Variants in NPAS3 observed in about 807,000 individuals in gnomAD.
NPAS3 encodes neuronal PAS domain-containing protein 3.
Under a neutral mutation model 73.1 loss-of-function variants are expected in NPAS3, and 14 were observed. That is an observed-to-expected ratio of 0.19 (90% CI 0.13 to 0.30). NPAS3 has a LOEUF of 0.30. Ranked by LOEUF, NPAS3 falls within the 10% of genes least tolerant of loss-of-function variation. The pLI, the probability that NPAS3 is intolerant of heterozygous loss-of-function variation, is 1.00. For missense variants in NPAS3, 1,096 were observed against 1,250.0 expected, an observed-to-expected ratio of 0.88 and a Z score of 1.86; for synonymous variants, 620 against 541.5, an observed-to-expected ratio of 1.14 and a Z score of -2.01.
intron 1 of NPAS3, among the ~76,000 whole-genome samples, chr14:33,032,867 T>A (rs1284217097): frequency 6.6e-6 from 1 of 152,202 alleles, no homozygotes; most frequent in African/African-American, 2.4e-5. Context: ...AAATGCGAAG[T>A]CCCAATTTGA....
At chr14:33,498,951 TG>T (rs2139891553) in intron 4 of NPAS3, among the ~76,000 whole-genome samples, 1 of 146,228 alleles carries the variant, frequency 6.8e-6, no homozygotes, top group South Asian at 2.2e-4. Context: ...TGTGTGTGTG[TG>T]TGTGTGTGTG....
chr14:33,366,263 A>G (rs1023259950), intron 3 of NPAS3, among the ~76,000 whole-genome samples: 1 of 151,952 alleles, frequency 6.6e-6, no homozygotes, highest in Non-Finnish European at 1.5e-5. Flanking sequence ...ACTCCATTAA[A>G]TTTTTTTAAA....
Position 33,676,388 on chromosome 14 carries a change from G to A in NPAS3, c.733+3G>A. ...TCAGTCGGAGACCCCCGAGCCAGGT[G>A]GGAATTGCAAACCCAGTGTGTGGGT... On this transcript the variant is annotated splice_donor_region_variant and intron_variant, in intron 6 of 11. Coordinates refer to ENST00000356141, the Ensembl canonical transcript of NPAS3. 6.4e-7 allele frequency: 1 copy of A among 1,555,222 alleles called. No homozygotes were observed. Among genetic ancestry groups the A allele is most frequent in the Non-Finnish European group, 8.6e-7 (1 of 1,156,876 alleles).
intron 9 of NPAS3, among the ~76,000 whole-genome samples, chr14:33,779,614 A>G (rs2062919950): frequency 6.6e-6 from 1 of 152,228 alleles, no homozygotes; most frequent in South Asian, 2.1e-4. Flanking sequence ...TAGATATACA[A>G]ATACTTACCA....
chr14:33,664,488 GC>G (rs2059396820), intron 5 of NPAS3, among the ~76,000 whole-genome samples: 1 of 152,126 alleles, frequency 6.6e-6, no homozygotes, highest in Non-Finnish European at 1.5e-5. Flanking sequence ...AACACCAAAA[GC>G]AATGGCAACA....
At chr14:33,264,009 C>T (rs1232866237) in intron 3 of NPAS3, among the ~76,000 whole-genome samples, 1 of 152,142 alleles carries the variant, frequency 6.6e-6, no homozygotes, top group African/African-American at 2.4e-5. Flanking sequence ...ATAGCAAAGA[C>T]TTGGAACCAG....
intron 4 of NPAS3, among the ~76,000 whole-genome samples, chr14:33,430,122 G>A (rs1282572649): frequency 1.3e-5 from 2 of 152,086 alleles, no homozygotes; most frequent in African/African-American, 4.8e-5. Flanking sequence ...GGCTTGATGA[G>A]GATTGTAAAA....
At chr14:33,592,248 G>A (rs2057094400) in intron 5 of NPAS3, among the ~76,000 whole-genome samples, 1 of 152,042 alleles carries the variant, frequency 6.6e-6, no homozygotes, top group South Asian at 2.1e-4. Flanking sequence ...TAAAACAAAG[G>A]TAGCTGACTT....
chr14:33,539,600 T>G (rs900788623), intron 4 of NPAS3, among the ~76,000 whole-genome samples: 6 of 152,024 alleles, frequency 3.9e-5, no homozygotes, highest in African/African-American at 1.4e-4. Flanking sequence ...AAGAAAAGAC[T>G]CTCCATTTAC....
At chr14:33,783,919 C>T (rs1399081594) in intron 9 of NPAS3, among the ~76,000 whole-genome samples, 1 of 152,180 alleles carries the variant, frequency 6.6e-6, no homozygotes, top group Non-Finnish European at 1.5e-5. Flanking sequence ...ACAGTAAATA[C>T]AAACTGAGTA....
Position 33,410,955 on chromosome 14 carries a change from G to A in NPAS3, c.468+43687G>A, listed in dbSNP as rs76807722. Among the ~76,000 whole-genome samples, 1,366 of 152,174 alleles carry A rather than the reference G, an allele frequency of 9.0e-3. 8 individuals are homozygous for A. The highest frequency in any genetic ancestry group is 0.015 in the Non-Finnish European group (999 of 67,996). ...GCCACCGCATCCAGCTGAATAGTTG[G>A]TATTTTTATTCTAACTCTGCTCAGT... is the stretch of plus-strand genomic sequence containing the variant. On this transcript the variant is annotated intron_variant, in intron 4 of 11. Coordinates refer to ENST00000356141, the Ensembl canonical transcript of NPAS3.
At chr14:33,090,520 G>T (rs557615176) in intron 2 of NPAS3, among the ~76,000 whole-genome samples, 4 of 152,260 alleles carry the variant, frequency 2.6e-5, no homozygotes, top group African/African-American at 7.2e-5. Flanking sequence ...GACCTACAAA[G>T]AGACTTAGAC....
chr14:33,411,053 T>C (rs2055069574), intron 4 of NPAS3, among the ~76,000 whole-genome samples: 2 of 152,208 alleles, frequency 1.3e-5, no homozygotes, highest in Non-Finnish European at 2.9e-5. Flanking sequence ...AGTCTCTGGG[T>C]TACAATGCCC....
At chr14:33,065,826 T>C (rs1253350685) in intron 2 of NPAS3, among the ~76,000 whole-genome samples, 1 of 152,106 alleles carries the variant, frequency 6.6e-6, no homozygotes, top group Non-Finnish European at 1.5e-5. Flanking sequence ...TCCTGACTAT[T>C]GCCTGTCAGG....
chr14:33,726,064 A>C (rs1325892101), intron 6 of NPAS3, among the ~76,000 whole-genome samples: 1 of 152,104 alleles, frequency 6.6e-6, no homozygotes, highest in Non-Finnish European at 1.5e-5. Flanking sequence ...TTAGGGTTTA[A>C]ATTCTTTAAT....
intron 1 of NPAS3, among the ~76,000 whole-genome samples, chr14:33,051,978 C>T (rs2040726804): frequency 1.3e-5 from 2 of 152,152 alleles, no homozygotes; most frequent in South Asian, 4.1e-4. Flanking sequence ...CCAGGATGAT[C>T]TTGATCTCCT....
Position 33,800,038 on chromosome 14 carries a change from C to G in NPAS3, c.1731C>G (p.Ser577=). 1 of 1,609,240 alleles carries G rather than the reference C, an allele frequency of 6.2e-7. No individual in the cohort carries two copies. The highest frequency in any genetic ancestry group is 8.5e-7 in the Non-Finnish European group (1 of 1,179,454). ...TGCAGAACTGCGAGTCACTCACGTC[C>G]GACAGCGCCAAGGACTCGGACAGCG... is the stretch of plus-strand genomic sequence containing the variant. The change falls in exon 12 of 12, where the codon TCC becomes TCG. Residue 577 remains serine, a synonymous_variant. Transcript: ENST00000356141. The surrounding 1 kb of genome is among the most constrained non-coding windows in gnomAD (Gnocchi z 6.5).
At chr14:33,759,383 T>C (rs1300382976) in intron 7 of NPAS3, among the ~76,000 whole-genome samples, 2 of 152,198 alleles carry the variant, frequency 1.3e-5, no homozygotes, top group Admixed American at 1.3e-4. Flanking sequence ...GCTCAGTATA[T>C]TGTCTTCTTT....
At chr14:33,457,746 C>A (rs192488577) in intron 4 of NPAS3, among the ~76,000 whole-genome samples, 7 of 152,244 alleles carry the variant, frequency 4.6e-5, no homozygotes, top group Admixed American at 6.5e-5. Flanking sequence ...TTGCCCTTAG[C>A]GTGTGTAAGT....
Sources: allele counts gnomAD v4.1 joint callset (sites outside exome capture counted in the v4.1 genomes callset), GRCh38; gene constraint gnomAD v4.1.1; non-coding constraint Gnocchi (gnomAD v3.1); transcripts MANE v1.5; gene names NCBI Gene and HGNC (gene_info 2026-07-23, HGNC 2026-07-21).